The following LRRC58 variants were observed in gnomAD, a reference collection of about 807,000 sequenced individuals.
LRRC58 encodes the protein leucine-rich repeat-containing protein 58.
In LRRC58, 18 loss-of-function variants were observed where a neutral mutation model predicts 30.6. The ratio of observed to expected loss-of-function variants is 0.59; its 90% CI spans 0.41 to 0.87. The LOEUF (loss-of-function observed/expected upper bound fraction) is 0.87, where lower values mean the gene tolerates loss of function less well. Among genes scored for constraint, LRRC58 ranks in the 40% least tolerant of loss-of-function variants. LRRC58 has a pLI of 0.00. For synonymous variants in LRRC58, 221 were observed against 206.0 expected, an observed-to-expected ratio of 1.07 and a Z score of -0.62; for missense variants, 420 against 468.4, an observed-to-expected ratio of 0.90 and a Z score of 0.95.
rs186941437 is a variant in LRRC58 at position 120,327,804 on chromosome 3, G to T, written c.*3396C>A. Reference sequence around the variant, plus strand: ...ACTCTCACTCAGGCTGGAGTGCAGCGGAGTGATCTCAGATTACTGCAACCT... The same window carrying T: ...ACTCTCACTCAGGCTGGAGTGCAGCTGAGTGATCTCAGATTACTGCAACCT... On this transcript the variant is annotated 3_prime_UTR_variant, in exon 4 of 4. Transcript: ENST00000295628. The T allele has an allele frequency of 7.9e-5, 12 of 152,228 alleles. No homozygotes were observed. Among genetic ancestry groups the T allele is most frequent in the African/African-American group, 2.9e-4 (12 of 41,536 alleles). The allele number at this position is 152,228 out of a possible 1,614,324, so 9.4% of individuals were successfully genotyped here. A position where few individuals can be genotyped will look rare whatever the true frequency, so the allele number is the denominator to read the frequency against.
At position 120,325,204 on chromosome 3, in the gene LRRC58, T is replaced by G. The variant is rs895637174; in HGVS notation, c.*5996A>C. 6.6e-6 allele frequency: 1 copy of G among 152,240 alleles called. No individual in the cohort carries two copies. Among genetic ancestry groups the G allele is most frequent in the East Asian group, 1.9e-4 (1 of 5,204 alleles). The allele number at this position is 152,240 out of a possible 1,614,324, so 9.4% of individuals were successfully genotyped here. On this transcript the variant is annotated 3_prime_UTR_variant, in exon 4 of 4. Transcript: ENST00000295628. ...TCACAACAATGTTAACAATTTAAGTTAGTGAAAGGATTCTCTTAAACATAA... is the reference window on the plus strand; with the variant it reads ...TCACAACAATGTTAACAATTTAAGTGAGTGAAAGGATTCTCTTAAACATAA...
Position 120,347,377 on chromosome 3 carries a change from T to C in LRRC58, c.500+1367A>G, listed in dbSNP as rs553605352. On this transcript the variant is annotated intron_variant, in intron 1 of 3. Transcript: ENST00000295628. The stretch of plus-strand genomic sequence containing the variant: ...AGAGTTCTTTTTTCCCAGGCCAATA[T>C]TCTTTTTTTTTTTTTTTTTTTTTTT... 1.7e-4 allele frequency among the ~76,000 whole-genome samples: 18 copies of C among 106,636 alleles called. 1 individual carries two copies. In the South Asian group the frequency reaches 6.0e-3, roughly 36 times the overall value. 70.0% of individuals were successfully genotyped at this position (106,636 alleles called of 152,430 possible).
At position 120,335,996 on chromosome 3, in the gene LRRC58, GAA is replaced by G. The variant is rs201943706; in HGVS notation, c.501-45_501-44del. On this transcript the variant is annotated intron_variant, in intron 1 of 3. Coordinates refer to ENST00000295628, the MANE Select transcript of LRRC58 (RefSeq NM_001099678.2). Reference sequence around the variant, plus strand: ...CAAAACCAAAAAAGTAAATAAAGTTGAAAAAGATACCCCATTGTGTCTACTAC... The same window carrying G: ...CAAAACCAAAAAAGTAAATAAAGTTGAAAGATACCCCATTGTGTCTACTAC... 2,032 of 1,391,566 alleles carry G rather than the reference GAA, an allele frequency of 1.5e-3. 23 individuals are homozygous for G. In the African/African-American group the frequency reaches 0.027, roughly 18 times the overall value. The allele number at this position is 1,391,566 out of a possible 1,614,324, so 86.2% of individuals were successfully genotyped here. A position where few individuals can be genotyped will look rare whatever the true frequency, so the allele number is the denominator to read the frequency against.
rs753444845 is a variant in LRRC58, at chr3:120,348,711, G to A, written c.500+33C>T. 1.5e-5 allele frequency: 22 copies of A among 1,505,390 alleles called. No individual in the cohort carries two copies. The South Asian group carries it at 2.7e-4, about 18-fold the overall frequency. The allele number at this position is 1,505,390 out of a possible 1,614,324, so 93.3% of individuals were successfully genotyped here. On this transcript the variant is annotated intron_variant, in intron 1 of 3. Transcript: ENST00000295628. ...CCCAGGGTTCCCGGACACCGCCCGAGGCCTCCCCACCCTCCGGCACACACC... is the reference window on the plus strand; with the variant it reads ...CCCAGGGTTCCCGGACACCGCCCGAAGCCTCCCCACCCTCCGGCACACACC...
Position 120,328,522 on chromosome 3 carries a change from G to A in LRRC58, c.*2678C>T, listed in dbSNP as rs1167122225. ...TATTTCATTATAAAAATTAGACTTC[G>A]CTAATTCTGTCTTTTAAAAACCCCA... On this transcript the variant is annotated 3_prime_UTR_variant, in exon 4 of 4. Transcript: ENST00000295628. The A allele has an allele frequency of 1.3e-5, 2 of 152,072 alleles. No homozygotes were observed. Among genetic ancestry groups the A allele is most frequent in the Non-Finnish European group, 2.9e-5 (2 of 68,008 alleles). The allele number at this position is 152,072 out of a possible 1,614,324, so 9.4% of individuals were successfully genotyped here.
At chr3:120,334,233 G>A (rs1576181610) in intron 3 of LRRC58, among the ~76,000 whole-genome samples, 2 of 152,128 alleles carry the variant, frequency 1.3e-5, no homozygotes, top group Admixed American at 6.5e-5. Flanking sequence ...GGCCGGGCGT[G>A]GTGGCTCACG....
At position 120,326,498 on chromosome 3, in the gene LRRC58, G is replaced by GTT. The variant is rs1255948669; in HGVS notation, c.*4700_*4701dup. On this transcript the variant is annotated 3_prime_UTR_variant, in exon 4 of 4. Coordinates refer to ENST00000295628, the MANE Select transcript of LRRC58 (RefSeq NM_001099678.2). ...ATTGTACACTATTAAATTCATTAAT[G>GTT]TTATACAGGGCATAGCACTTAATAT... is the stretch of plus-strand genomic sequence containing the variant. 6.6e-6 allele frequency: 1 copy of GTT among 152,136 alleles called. No homozygotes were observed. The highest frequency in any genetic ancestry group is 6.5e-5 in the Admixed American group (1 of 15,284). 9.4% of individuals were successfully genotyped at this position (152,136 alleles called of 1,614,324 possible).
chr3:120,347,335 C>G (rs2107628506), intron 1 of LRRC58, among the ~76,000 whole-genome samples: 1 of 148,586 alleles, frequency 6.7e-6, no homozygotes, highest in South Asian at 2.1e-4. Flanking sequence ...AGTGACTTGC[C>G]TAAGGCTGGA....
At chr3:120,345,665 G>C (rs1188780132) in intron 1 of LRRC58, among the ~76,000 whole-genome samples, 3 of 152,164 alleles carry the variant, frequency 2.0e-5, no homozygotes, top group Admixed American at 1.3e-4. Context: ...CACTGCCAAG[G>C]CTTTTTCTAG....
rs72956897 is a variant in LRRC58, at chr3:120,348,727, G to C, written c.500+17C>G. The C allele has an allele frequency of 0.015, 23,464 of 1,536,994 alleles. 852 individuals carry two copies. The highest frequency in any genetic ancestry group is 0.13 in the African/African-American group (9,314 of 71,010). On this transcript the variant is annotated intron_variant, in intron 1 of 3. Coordinates refer to ENST00000295628, the MANE Select transcript of LRRC58 (RefSeq NM_001099678.2). ...ACCGCCCGAGGCCTCCCCACCCTCC[G>C]GCACACACCCGCTCACCTCTGCAAG... is the stretch of plus-strand genomic sequence containing the variant.
At chr3:120,346,628 A>G (rs1935971895) in intron 1 of LRRC58, among the ~76,000 whole-genome samples, 1 of 152,172 alleles carries the variant, frequency 6.6e-6, no homozygotes, top group African/African-American at 2.4e-5. Context: ...GGTTCCTGTT[A>G]GTATATTAAG....
chr3:120,329,159 G>C lies in LRRC58; in HGVS notation c.*2041C>G, dbSNP rs1935721041. The C allele has an allele frequency of 6.6e-6, 1 of 152,042 alleles. No homozygotes were observed. The highest frequency in any genetic ancestry group is 1.5e-5 in the Non-Finnish European group (1 of 67,944). 9.4% of individuals were successfully genotyped at this position (152,042 alleles called of 1,614,324 possible). On this transcript the variant is annotated 3_prime_UTR_variant, in exon 4 of 4. Coordinates refer to ENST00000295628, the MANE Select transcript of LRRC58 (RefSeq NM_001099678.2). ...GAAGTAGGCATAAGCATTTAGGCCA[G>C]AAAAAATTGGTCCTATCAATTTGAG... is the stretch of plus-strand genomic sequence containing the variant.
At chr3:120,339,993 T>C (rs1219195622) in intron 1 of LRRC58, among the ~76,000 whole-genome samples, 1 of 152,156 alleles carries the variant, frequency 6.6e-6, no homozygotes, top group East Asian at 1.9e-4. Context: ...CCCGAGTAGT[T>C]GGGATTACAG....
chr3:120,349,156 A>G lies in LRRC58; in HGVS notation c.88T>C (p.Ser30Pro), dbSNP rs1382608512. 6.7e-7 allele frequency: 1 copy of G among 1,494,434 alleles called. No individual in the cohort carries two copies. The highest frequency in any genetic ancestry group is 2.2e-5 in the Admixed American group (1 of 46,006). 92.6% of individuals were successfully genotyped at this position (1,494,434 alleles called of 1,614,324 possible). A position where few individuals can be genotyped will look rare whatever the true frequency, so the allele number is the denominator to read the frequency against. Residue 30 changes from serine to proline, a missense_variant, in exon 1 of 4, where the codon TCT becomes CCT. Physicochemically the swap from Ser to Pro is moderately conservative, Grantham distance 74. Coordinates refer to ENST00000295628, the MANE Select transcript of LRRC58 (RefSeq NM_001099678.2). ...TCCTCCCCCCGCGCCTCCAGCTCAG[A>G]CTCCAGCGTCTCGGTGGACACGCTG... ...RLSVSTETLE[S>P]ELEARGEERR...
At position 120,331,326 on chromosome 3, in the gene LRRC58, C is replaced by T; in HGVS notation, c.990G>A (p.Leu330=). 1.2e-6 allele frequency: 2 copies of T among 1,613,948 alleles called. No homozygotes were observed. Among genetic ancestry groups the T allele is most frequent in the Non-Finnish European group, 1.7e-6 (2 of 1,179,836 alleles). ...GKYRLPLMHY[L]CSPECSSPCS... is the part of the protein sequence containing the mutation. Reference sequence around the variant, plus strand: ...AAGGGGAAGAACATTCTGGTGAACACAAGTAGTGCATCAGTGGGAGGCGAT... The same window carrying T: ...AAGGGGAAGAACATTCTGGTGAACATAAGTAGTGCATCAGTGGGAGGCGAT... Residue 330 remains leucine, a synonymous_variant, in exon 4 of 4, where the codon TTG becomes TTA. Transcript: ENST00000295628.
intron 1 of LRRC58, among the ~76,000 whole-genome samples, chr3:120,340,889 T>G (rs541516158): frequency 1.3e-5 from 2 of 152,318 alleles, no homozygotes; most frequent in South Asian, 4.1e-4. Flanking sequence ...AAAGTGAGAC[T>G]GTCTCTCAAA....
intron 3 of LRRC58, 37 bp downstream of exon 3, chr3:120,334,825 T>C (rs745841879): frequency 3.2e-6 from 5 of 1,547,062 alleles, no homozygotes; most frequent in Non-Finnish European, 4.4e-6. Flanking sequence ...AAAAAATAGC[T>C]AAATAAGTGG....
intron 2 of LRRC58, 72 bp from the exon 3 acceptor site, chr3:120,335,211 G>A (rs1935818366): frequency 1.5e-6 from 2 of 1,311,172 alleles, no homozygotes; most frequent in South Asian, 1.4e-5. Flanking sequence ...ATATATGTGT[G>A]TATACAGAAC....
chr3:120,334,750 G>T, intron 3 of LRRC58, 112 bp downstream of exon 3: 2 of 993,884 alleles, frequency 2.0e-6, no homozygotes, highest in Non-Finnish European at 1.4e-6. Flanking sequence ...TCTCATAAAT[G>T]AGTGAAAAAA....
Sources: allele counts gnomAD v4.1 joint callset (sites outside exome capture counted in the v4.1 genomes callset), GRCh38; gene constraint gnomAD v4.1.1; transcripts MANE v1.5; gene names NCBI Gene and HGNC (gene_info 2026-07-23, HGNC 2026-07-21).